Variants in RBFOX1 observed in about 807,000 individuals in gnomAD.
The protein encoded by RBFOX1 is RNA binding protein fox-1 homolog 1.
Under a neutral mutation model 57.7 loss-of-function variants are expected in RBFOX1, and 8 were observed. The observed-to-expected ratio is 0.14, with a 90% CI of 0.08 to 0.25. The LOEUF (loss-of-function observed/expected upper bound fraction) is 0.25, where lower values mean the gene tolerates loss of function less well. RBFOX1 is among the 10% of genes least tolerant of loss of function. The probability of loss-of-function intolerance (pLI) is 1.00; values close to 1 mark genes in which losing one functional copy is unlikely to be tolerated. For missense variants in RBFOX1, 611 were observed against 548.5 expected, an observed-to-expected ratio of 1.11 and a Z score of -1.14; for synonymous variants, 326 against 222.4, an observed-to-expected ratio of 1.47 and a Z score of -4.15.
chr16:5,839,027 A>G (rs78569379), intron 3 of RBFOX1, among the ~76,000 whole-genome samples: 12,099 of 152,232 alleles, frequency 0.079, 593 homozygotes, highest in African/African-American at 0.13. Flanking sequence ...CTCCTGGCAT[A>G]TAGAGTAGAG....
rs544762985 is a variant in RBFOX1, at chr16:5,616,934, T to C, written c.318+17973T>C. On this transcript the variant is annotated intron_variant, in intron 3 of 19. Coordinates refer to the RBFOX1 transcript ENST00000641259. ...CCCCCTCACTTTGGCTCAGCCAGCT[T>C]TCTTTTAATTAAATAGATACTTATT... Among the ~76,000 whole-genome samples the C allele has an allele frequency of 5.3e-4, 79 of 148,170 alleles. No homozygotes were observed. The South Asian group carries it at 0.017, about 32-fold the overall frequency.
At chr16:6,448,058 T>C (rs1273961490) in intron 2 of RBFOX1, among the ~76,000 whole-genome samples, 1 of 152,164 alleles carries the variant, frequency 6.6e-6, no homozygotes, top group Non-Finnish European at 1.5e-5. Context: ...TTCCCTTAAT[T>C]CAATGCATTT....
chr16:5,685,204 C>A (rs181645847), intron 3 of RBFOX1, among the ~76,000 whole-genome samples: 2 of 152,162 alleles, frequency 1.3e-5, no homozygotes, highest in African/African-American at 4.8e-5. Flanking sequence ...GAGATATCAC[C>A]AACCTATTAA....
intron 2 of RBFOX1, among the ~76,000 whole-genome samples, chr16:5,471,454 C>A (rs1198522345): frequency 6.6e-6 from 1 of 152,128 alleles, no homozygotes; most frequent in East Asian, 1.9e-4. Context: ...ATGAAACTAA[C>A]AGAGAGGATC....
rs71145276 is a variant in RBFOX1, at chr16:6,690,758, C to CTT, written c.-16+36122_-16+36123dup. Among the ~76,000 whole-genome samples, 960 of 141,040 alleles carry CTT rather than the reference C, an allele frequency of 6.8e-3. 14 individuals are homozygous for CTT. The highest frequency in any genetic ancestry group is 0.024 in the East Asian group (118 of 4,846). 92.5% of individuals were successfully genotyped at this position (141,040 alleles called of 152,430 possible). On this transcript the variant is annotated intron_variant, in intron 3 of 15. Transcript: ENST00000550418. Reference sequence around the variant, plus strand: ...TCGGTTTGGTTTCTTTTCTTTCTTTCTTTTTTTTTTTTTTTAACTTTAGAA... The same window carrying CTT: ...TCGGTTTGGTTTCTTTTCTTTCTTTCTTTTTTTTTTTTTTTTTAACTTTAGAA...
At chr16:6,183,486 T>TTAAA (rs71142688) in intron 1 of RBFOX1, among the ~76,000 whole-genome samples, 76,158 of 140,456 alleles carry the variant, frequency 0.54, 20,850 homozygotes, top group Middle Eastern at 0.6. Context: ...TCTAAAAAAA[T>TTAAA]TAAATAAATA....
intron 3 of RBFOX1, among the ~76,000 whole-genome samples, chr16:6,978,381 G>A (rs1568191718): frequency 2.0e-5 from 3 of 152,282 alleles, no homozygotes; most frequent in South Asian, 2.1e-4. Context: ...TCATACAGAC[G>A]TCATGAGGAC....
chr16:6,765,620 C>T (rs1337948253), intron 3 of RBFOX1, among the ~76,000 whole-genome samples: 3 of 152,128 alleles, frequency 2.0e-5, no homozygotes, highest in African/African-American at 7.2e-5. Flanking sequence ...GTAGGTCTAC[C>T]ATTCGGTACA....
intron 2 of RBFOX1, among the ~76,000 whole-genome samples, chr16:5,511,184 T>G (rs535392551): frequency 6.6e-6 from 1 of 152,202 alleles, no homozygotes. Context: ...AAGAACAGAC[T>G]AGTGATTCTT....
chr16:7,566,004 C>T (rs539428287), intron 5 of RBFOX1, among the ~76,000 whole-genome samples: 1 of 152,214 alleles, frequency 6.6e-6, no homozygotes, highest in East Asian at 1.9e-4. Flanking sequence ...GAAAGACTTG[C>T]CGAGCGCCTA....
intron 1 of RBFOX1, among the ~76,000 whole-genome samples, chr16:5,378,609 A>T (rs1041564115): frequency 6.6e-6 from 1 of 151,492 alleles, no homozygotes; most frequent in Non-Finnish European, 1.5e-5. Flanking sequence ...GGTACTTTCC[A>T]TGTTAACATG....
chr16:7,557,322 T>TA (rs992097026), intron 5 of RBFOX1, among the ~76,000 whole-genome samples: 49 of 151,908 alleles, frequency 3.2e-4, no homozygotes, highest in Non-Finnish European at 5.7e-4. Context: ...TGACTATTTT[T>TA]AAAAAAACAA....
At chr16:5,302,114 A>G (rs755252540) in intron 1 of RBFOX1, among the ~76,000 whole-genome samples, 9 of 152,150 alleles carry the variant, frequency 5.9e-5, no homozygotes, top group African/African-American at 1.2e-4. Flanking sequence ...GTTTATCTGC[A>G]TATCACAAAT....
intron 9 of RBFOX1, among the ~76,000 whole-genome samples, chr16:7,603,248 A>T (rs2095132278): frequency 6.6e-6 from 1 of 152,226 alleles, no homozygotes; most frequent in African/African-American, 2.4e-5. Flanking sequence ...GCCAAAAAAA[A>T]ATTTGTCTAT....
chr16:5,458,348 G>A (rs76159687), intron 1 of RBFOX1, among the ~76,000 whole-genome samples: 1 of 152,248 alleles, frequency 6.6e-6, no homozygotes, highest in South Asian at 2.1e-4. Flanking sequence ...GGGGAGGAAG[G>A]GGGTTGAGGG....
At chr16:5,409,876 C>T (rs1379911802) in intron 1 of RBFOX1, among the ~76,000 whole-genome samples, 4 of 151,700 alleles carry the variant, frequency 2.6e-5, no homozygotes, top group African/African-American at 4.8e-5. Context: ...GGTGAAACCC[C>T]GTCTCTACTA....
At chr16:6,261,193 A>G (rs900874690) in intron 1 of RBFOX1, among the ~76,000 whole-genome samples, 1 of 152,178 alleles carries the variant, frequency 6.6e-6, no homozygotes, top group African/African-American at 2.4e-5. Flanking sequence ...TGGCTTTCAC[A>G]TTCCCAGTGG....
intron 1 of RBFOX1, among the ~76,000 whole-genome samples, chr16:6,118,185 T>A (rs1283096019): frequency 6.6e-6 from 1 of 152,156 alleles, no homozygotes; most frequent in Admixed American, 6.5e-5. Flanking sequence ...AAATATATAC[T>A]TCATTGAGTT....
intron 1 of RBFOX1, among the ~76,000 whole-genome samples, chr16:5,401,250 A>G (rs1260982197): frequency 6.6e-6 from 1 of 152,198 alleles, no homozygotes; most frequent in East Asian, 1.9e-4. Context: ...CATTTTGTGT[A>G]GGTTTGAGGA....
Sources: allele counts gnomAD v4.1 joint callset (sites outside exome capture counted in the v4.1 genomes callset), GRCh38; gene constraint gnomAD v4.1.1; transcripts MANE v1.5; gene names NCBI Gene and HGNC (gene_info 2026-07-23, HGNC 2026-07-21).